CAPN12: variants seen among roughly 807,000 people sequenced by gnomAD.
CAPN12 encodes calpain 12, also known as calpain-12.
A neutral mutation model predicts 95.0 loss-of-function variants in CAPN12; 107 were observed. The observed-to-expected ratio is 1.13, with a 90% CI of 0.96 to 1.32. CAPN12 has a LOEUF of 1.32. Ranked by LOEUF, CAPN12 falls within the 40% of genes most tolerant of loss-of-function variation. The pLI is 0.00. For missense variants in CAPN12, 1,136 were observed against 997.8 expected (o/e 1.14, Z -1.87); for synonymous variants, 505 against 415.5 (o/e 1.22, Z -2.62).
chr19:38,734,925 C>A lies in CAPN12; in HGVS notation c.1687-55G>T. 3 of 1,560,072 alleles carry A rather than the reference C, an allele frequency of 1.9e-6. No individual in the cohort carries two copies. In the South Asian group the frequency reaches 3.4e-5, roughly 18 times the overall value. ...ATTTACTCATCCAGCTGCTCTGGGC[C>A]AAGCCCTGTGCTAGGGACACGGCAG... On this transcript the variant is annotated intron_variant, in intron 14 of 20. Transcript: ENST00000328867.
Position 38,742,656 on chromosome 19 carries a change from C to T in CAPN12, c.308-128G>A, listed in dbSNP as rs957405836. 3 of 664,166 alleles carry T rather than the reference C, an allele frequency of 4.5e-6. No homozygotes were observed. In the African/African-American group the frequency reaches 5.5e-5, roughly 12 times the overall value. 41.1% of individuals were successfully genotyped at this position (664,166 alleles called of 1,614,324 possible). A position where few individuals can be genotyped will look rare whatever the true frequency, so the allele number is the denominator to read the frequency against. On this transcript the variant is annotated intron_variant, in intron 2 of 20. Transcript: ENST00000328867. ...TCACGTGAGCCTAGGAGTTCAAGAC[C>T]AGCCTGGCCAACATGGCAAGACTCC...
chr19:38,732,799 T>G (rs1004362641), intron 18 of CAPN12, among the ~76,000 whole-genome samples: 1 of 151,946 alleles, frequency 6.6e-6, no homozygotes, highest in Non-Finnish European at 1.5e-5. Flanking sequence ...CAGAGTGGGG[T>G]TGGGGATCTG....
Position 38,736,875 on chromosome 19 carries a change from G to C in CAPN12, c.1362+281C>G, listed in dbSNP as rs1970215241. The C allele has an allele frequency of 1.3e-5, 7 of 556,136 alleles. No homozygotes were observed. The South Asian group carries it at 1.6e-4, about 12-fold the overall frequency. The allele number at this position is 556,136 out of a possible 1,614,324, so 34.5% of individuals were successfully genotyped here. A position where few individuals can be genotyped will look rare whatever the true frequency, so the allele number is the denominator to read the frequency against. Reference sequence around the variant, plus strand: ...TGAGCCCCTCCCTCTCATTCCCTTAGCTCCCTCTCCCCTCTGAGACCTGGC... The same window carrying C: ...TGAGCCCCTCCCTCTCATTCCCTTACCTCCCTCTCCCCTCTGAGACCTGGC... On this transcript the variant is annotated intron_variant, in intron 10 of 20. Transcript: ENST00000328867.
rs986050417 is a variant in CAPN12 at position 38,744,105 on chromosome 19, C to A, written c.61G>T (p.Ala21Ser). The A allele has an allele frequency of 6.2e-7, 1 of 1,614,200 alleles. No individual in the cohort carries two copies. Among genetic ancestry groups the A allele is most frequent in the Admixed American group, 1.7e-5 (1 of 60,030 alleles). The change falls in exon 1 of 21, where the codon GCC becomes TCC. Residue 21 changes from alanine (A) to serine (S), a missense_variant. Physicochemically the swap from Ala to Ser is moderately conservative, Grantham distance 99 (BLOSUM62 1). Transcript: ENST00000328867. The part of the protein sequence containing the change: ...QLVDEEAGVG[A>S]GRLQLFRGQS... ...CCCCGAAAAAGCTGCAGGCGCCCGG[C>A]TCCGACCCCAGCCTCCTCATCCACG...
chr19:38,735,624 A>G (rs1969985541), intron 12 of CAPN12, 80 bp from the exon 13 acceptor site: 1 of 1,445,446 alleles, frequency 6.9e-7, no homozygotes, highest in Non-Finnish European at 9.4e-7. Flanking sequence ...CAGGTGAGGA[A>G]TCGCGTGGGG....
rs752848662 is a variant in CAPN12, at chr19:38,736,254, C to CGCTGA, written c.1438_1439insTCAGC (p.Arg480LeufsTer12). On this transcript the variant is annotated frameshift_variant, in exon 12 of 21. Coordinates refer to ENST00000328867, the MANE Select transcript of CAPN12 (RefSeq NM_144691.4). LOFTEE classifies it high-confidence loss of function. ...GTCGCGGCGGGCGCTGAGGGGCGAG[C>CGCTGA]GGTCGGCGCGCAGCAGCCGGGGCAG... 2 of 1,469,098 alleles carry CGCTGA rather than the reference C, an allele frequency of 1.4e-6. No homozygotes were observed. Among genetic ancestry groups the CGCTGA allele is most frequent in the South Asian group, 2.7e-5 (2 of 73,692 alleles). The allele number at this position is 1,469,098 out of a possible 1,614,324, so 91.0% of individuals were successfully genotyped here.
At chr19:38,734,507 C>T (rs1283363718) in intron 15 of CAPN12, 118 bp from the exon 16 acceptor site, 8 of 896,292 alleles carry the variant, frequency 8.9e-6, no homozygotes, top group Admixed American at 8.8e-5. Context: ...TTATAGAAGC[C>T]GAGGCACAGG....
Position 38,736,700 on chromosome 19 carries a change from C to A in CAPN12, c.1363-137G>T, listed in dbSNP as rs1370793220. The A allele has an allele frequency of 3.6e-6, 4 of 1,115,728 alleles. No homozygotes were observed. The South Asian group carries it at 6.9e-5, about 19-fold the overall frequency. The allele number at this position is 1,115,728 out of a possible 1,614,324, so 69.1% of individuals were successfully genotyped here. A position where few individuals can be genotyped will look rare whatever the true frequency, so the allele number is the denominator to read the frequency against. On this transcript the variant is annotated intron_variant, in intron 10 of 20. Coordinates refer to ENST00000328867, the MANE Select transcript of CAPN12 (RefSeq NM_144691.4). The stretch of plus-strand genomic sequence containing the variant: ...TTAGACCCTTATTGAACCTTTGCCC[C>A]GCAGTCCCCGACCCAGGCCCTCGCC...
At position 38,744,145 on chromosome 19, in the gene CAPN12, C is replaced by T. The variant is rs771107260; in HGVS notation, c.21G>A (p.Arg7=). The change falls in exon 1 of 21, where the codon AGG becomes AGA. Residue 7 remains arginine, a synonymous_variant. Coordinates refer to ENST00000328867, the MANE Select transcript of CAPN12 (RefSeq NM_144691.4). The part of the protein sequence containing the change: MASSSG[R]VTIQLVDEEA... ...CCTCATCCACGAGCTGGATGGTGACCCTCCCACTGCTGGATGCCATCTGGA... is the reference window on the plus strand; with the variant it reads ...CCTCATCCACGAGCTGGATGGTGACTCTCCCACTGCTGGATGCCATCTGGA... The T allele has an allele frequency of 1.2e-6, 2 of 1,614,026 alleles. No individual in the cohort carries two copies. The highest frequency in any genetic ancestry group is 8.5e-7 in the Non-Finnish European group (1 of 1,180,032).
rs144382071 is a variant in CAPN12 at position 38,736,886 on chromosome 19, CCT to C, written c.1362+268_1362+269del. On this transcript the variant is annotated intron_variant, in intron 10 of 20. Coordinates refer to ENST00000328867, the MANE Select transcript of CAPN12 (RefSeq NM_144691.4). ...CTCTCATTCCCTTAGCTCCCTCTCC[CCT>C]CTGAGACCTGGCCCCCCAGCCCTAC... 69,765 of 527,378 alleles carry C rather than the reference CCT, an allele frequency of 0.13. 7,365 individuals are homozygous for C. Among genetic ancestry groups the C allele is most frequent in the Middle Eastern group, 0.25 (479 of 1,932 alleles). The allele number at this position is 527,378 out of a possible 1,614,324, so 32.7% of individuals were successfully genotyped here. A position where few individuals can be genotyped will look rare whatever the true frequency, so the allele number is the denominator to read the frequency against.
At position 38,735,484 on chromosome 19, in the gene CAPN12, T is replaced by G. The variant is rs926053680; in HGVS notation, c.1626+18A>C. ...CAAGATCCCCGCCCCATGCCGCCCC[T>G]CCAGGAACAGTCCCCACCTGGAGAG... On this transcript the variant is annotated intron_variant, in intron 13 of 20. Transcript: ENST00000328867. 6 of 1,610,508 alleles carry G rather than the reference T, an allele frequency of 3.7e-6. No individual in the cohort carries two copies. Among genetic ancestry groups the G allele is most frequent in the Non-Finnish European group, 5.1e-6 (6 of 1,179,266 alleles).
At position 38,744,045 on chromosome 19, in the gene CAPN12, C is replaced by A. The variant is rs758114893; in HGVS notation, c.121G>T (p.Asp41Tyr). The change falls in exon 1 of 21, where the codon GAT becomes TAT. Residue 41 changes from aspartate (D) to tyrosine (Y), a missense_variant. By Grantham distance (160) the Asp-to-Tyr change is radical. Coordinates refer to ENST00000328867, the MANE Select transcript of CAPN12 (RefSeq NM_144691.4). Reference protein sequence around the residue: ...SYEAIRAACLDSGILFRDPYF... With the variant: ...SYEAIRAACLYSGILFRDPYF... ...GGGTCGCGGAACAGGATCCCCGAATCCAGGCAGGCTGCCCGAATTGCCTCA... is the reference window on the plus strand; with the variant it reads ...GGGTCGCGGAACAGGATCCCCGAATACAGGCAGGCTGCCCGAATTGCCTCA... 1.2e-6 allele frequency: 2 copies of A among 1,614,118 alleles called. No individual in the cohort carries two copies. The highest frequency in any genetic ancestry group is 2.7e-5 in the African/African-American group (2 of 74,948).
chr19:38,743,850 C>T, intron 1 of CAPN12, 79 bp downstream of exon 1: 2 of 1,411,954 alleles, frequency 1.4e-6, no homozygotes, highest in South Asian at 2.4e-5. Context: ...CCCCAGCCTT[C>T]CTTCCTCAGA....
At chr19:38,741,667 T>G in intron 4 of CAPN12, 110 bp downstream of exon 4, 3 of 1,364,620 alleles carry the variant, frequency 2.2e-6, no homozygotes, top group Non-Finnish European at 3.0e-6. Context: ...TTGGGATTCT[T>G]GGTGGGGTGT....
Position 38,740,078 on chromosome 19 carries a change from C to T in CAPN12, c.702G>A (p.Lys234=). The part of the protein sequence containing the change: ...LFSALRHALA[K]ESLVGATALS... ...GGGCAGTGGCGCCCACGAGGGACTC[C>T]TTGGCCAGGGCATGGCGCAGGGCAG... is the stretch of plus-strand genomic sequence containing the variant. The change falls in exon 5 of 21, where the codon AAG becomes AAA. Residue 234 remains lysine (K), a synonymous_variant. Transcript: ENST00000328867. 1.2e-6 allele frequency: 2 copies of T among 1,604,390 alleles called. No individual in the cohort carries two copies. Among genetic ancestry groups the T allele is most frequent in the Non-Finnish European group, 8.5e-7 (1 of 1,174,754 alleles).
chr19:38,738,391 C>G lies in CAPN12; in HGVS notation c.890+27G>C, dbSNP rs771150916. ...GAGGGGCGGGCAGGTGGGGTCCAGCCCCACACCCACCCCAGACCCATCCCA... is the reference window on the plus strand; with the variant it reads ...GAGGGGCGGGCAGGTGGGGTCCAGCGCCACACCCACCCCAGACCCATCCCA... On this transcript the variant is annotated intron_variant, in intron 7 of 20. Coordinates refer to ENST00000328867, the MANE Select transcript of CAPN12 (RefSeq NM_144691.4). 3.7e-6 allele frequency: 6 copies of G among 1,610,932 alleles called. No homozygotes were observed. In the South Asian group the frequency reaches 6.6e-5, roughly 18 times the overall value.
At position 38,744,304 on chromosome 19, in the gene CAPN12, G is replaced by C. The variant is rs1482407275; in HGVS notation, c.-139C>G. The C allele has an allele frequency of 1.2e-6, 1 of 816,286 alleles. No individual in the cohort carries two copies. The highest frequency in any genetic ancestry group is 2.5e-5 in the East Asian group (1 of 39,374). The allele number at this position is 816,286 out of a possible 1,614,324, so 50.6% of individuals were successfully genotyped here. A position where few individuals can be genotyped will look rare whatever the true frequency, so the allele number is the denominator to read the frequency against. Reference sequence around the variant, plus strand: ...CCTCGTTAATATTAATTGATGGTTTGGGGTGCTGGGGAGCAGGGACGCCTC... The same window carrying C: ...CCTCGTTAATATTAATTGATGGTTTCGGGTGCTGGGGAGCAGGGACGCCTC... On this transcript the variant is annotated 5_prime_UTR_variant, in exon 1 of 21. Coordinates refer to ENST00000328867, the MANE Select transcript of CAPN12 (RefSeq NM_144691.4).
intron 19 of CAPN12, 33 bp from the exon 20 acceptor site, chr19:38,731,056 A>C (rs1969552552): frequency 1.3e-6 from 2 of 1,561,150 alleles, no homozygotes; most frequent in Non-Finnish European, 1.7e-6. Flanking sequence ...AGTGCCCACC[A>C]GTCCCCGTAC....
Position 38,737,322 on chromosome 19 carries a change from T to C in CAPN12, c.1196A>G (p.Asp399Gly). ...LLEPDEEDDE[D>G]EEGPWGGWGA... ...CCAGCCCCCCCAGGGCCCTTCCTCA[T>C]CCTCGTCATCCTCCTCATCAGGCTC... Residue 399 changes from aspartate (D) to glycine (G), a missense_variant, in exon 10 of 21, where the codon GAT becomes GGT. By Grantham distance (94) the Asp-to-Gly change is moderately conservative. Coordinates refer to ENST00000328867, the MANE Select transcript of CAPN12 (RefSeq NM_144691.4). 1 of 1,184,862 alleles carries C rather than the reference T, an allele frequency of 8.4e-7. No homozygotes were observed. The highest frequency in any genetic ancestry group is 2.1e-5 in the African/African-American group (1 of 48,684). The allele number at this position is 1,184,862 out of a possible 1,614,324, so 73.4% of individuals were successfully genotyped here.
Sources: allele counts gnomAD v4.1 joint callset (sites outside exome capture counted in the v4.1 genomes callset), GRCh38; gene constraint gnomAD v4.1.1; transcripts MANE v1.5; gene names NCBI Gene and HGNC (gene_info 2026-07-23, HGNC 2026-07-21).